YTHDC2: variants seen among roughly 807,000 people sequenced by gnomAD.
YTHDC2 encodes the protein YTH N6-methyladenosine RNA binding protein C2, also known as 3'-5' RNA helicase YTHDC2.
In YTHDC2, 45 loss-of-function variants were observed where a neutral mutation model predicts 174.9. The ratio of observed to expected loss-of-function variants is 0.26; its 90% CI spans 0.20 to 0.33. YTHDC2 has a LOEUF of 0.33. Among genes scored for constraint, YTHDC2 ranks in the 10% least tolerant of loss-of-function variants. The probability of loss-of-function intolerance (pLI) is 1.00; values close to 1 mark genes in which losing one functional copy is unlikely to be tolerated. For missense variants in YTHDC2, 1,650 were observed against 1,723.7 expected, an observed-to-expected ratio of 0.96 and a Z score of 0.76; for synonymous variants, 657 against 574.5, an observed-to-expected ratio of 1.14 and a Z score of -2.05.
intron 4 of YTHDC2, among the ~76,000 whole-genome samples, chr5:113,532,429 T>C (rs1774737159): frequency 6.6e-6 from 1 of 152,198 alleles, no homozygotes; most frequent in Non-Finnish European, 1.5e-5. Context: ...TCCTGGATTA[T>C]AGACTATTTT....
At chr5:113,534,575 A>AT (rs1255434396) in intron 6 of YTHDC2, among the ~76,000 whole-genome samples, 168 bp downstream of exon 6, 1 of 152,142 alleles carries the variant, frequency 6.6e-6, no homozygotes, top group African/African-American at 2.4e-5. Flanking sequence ...TGATCAATTT[A>AT]TTTTTTGTCT....
rs781198563 is a variant in YTHDC2, at chr5:113,553,847, G to A, written c.2045G>A (p.Arg682Gln). Reference sequence around the variant, plus strand: ...TTAAAAAACCCACCTGCAGGTGTTCGAAAAATAGTAAGCTTCATAAAATCT... The same window carrying A: ...TTAAAAAACCCACCTGCAGGTGTTCAAAAAATAGTAAGCTTCATAAAATCT... The part of the protein sequence containing the change: ...KVLKNPPAGV[R>Q]KIILSTNIAE... Residue 682 changes from arginine (R) to glutamine (Q), a missense_variant, in exon 15 of 30, where the codon CGA becomes CAA. Around this residue, in one of 5 missense-constraint regions of YTHDC2, gnomAD observed 913 missense variants for 940.4 expected, o/e 0.97. Transcript: ENST00000161863. The A allele has an allele frequency of 8.1e-6, 13 of 1,600,872 alleles. No individual in the cohort carries two copies. The highest frequency in any genetic ancestry group is 1.7e-5 in the Admixed American group (1 of 57,274).
At chr5:113,534,716 T>A (rs1438102653) in intron 6 of YTHDC2, among the ~76,000 whole-genome samples, 1 of 151,866 alleles carries the variant, frequency 6.6e-6, no homozygotes, top group Non-Finnish European at 1.5e-5. Context: ...CACTTAGAGT[T>A]CTCAAAAAAA....
At chr5:113,566,113 A>T in intron 21 of YTHDC2, 94 bp downstream of exon 21, 1 of 1,315,418 alleles carries the variant, frequency 7.6e-7, no homozygotes, top group Non-Finnish European at 1.0e-6. Context: ...GCCATCTATT[A>T]TTTTTATGAC....
intron 7 of YTHDC2, among the ~76,000 whole-genome samples, chr5:113,537,432 C>T (rs184455364): frequency 6.7e-6 from 1 of 149,988 alleles, no homozygotes; most frequent in East Asian, 1.9e-4. Flanking sequence ...CTTGCTAAAC[C>T]TCATTCTTCA....
chr5:113,587,395 A>G (rs1778733452), intron 26 of YTHDC2, among the ~76,000 whole-genome samples: 1 of 31,548 alleles, frequency 3.2e-5, no homozygotes, highest in East Asian at 8.3e-4. Flanking sequence ...ATGTATTCAT[A>G]TATAATATAT....
rs778904614 is a variant in YTHDC2 at position 113,524,989 on chromosome 5, C to G, written c.287C>G (p.Ala96Gly). Residue 96 changes from alanine (A) to glycine (G), a missense_variant, in exon 3 of 30, where the codon GCA (alanine) becomes GGA (glycine). This residue lies in a region of YTHDC2 where 304 missense variants were observed against 341.4 expected (regional missense o/e 0.89). Transcript: ENST00000161863. ...TTTTTATTAATATTCAGAAAGGGAG[C>G]AAATAGATACCTAACTGTGAAGAAG... is the stretch of plus-strand genomic sequence containing the variant. ...GLVSKSKGKGANRYLTVKKKD... is the reference protein window; with the variant it reads ...GLVSKSKGKGGNRYLTVKKKD... 7 of 1,595,120 alleles carry G rather than the reference C, an allele frequency of 4.4e-6. No individual in the cohort carries two copies. The highest frequency in any genetic ancestry group is 1.8e-5 in the Admixed American group (1 of 56,092).
chr5:113,583,783 C>T (rs1580646232), intron 25 of YTHDC2: 1 of 152,286 alleles, frequency 6.6e-6, no homozygotes, highest in Non-Finnish European at 1.5e-5. Flanking sequence ...CACCCGGACT[C>T]CATACCCTAT....
Position 113,524,904 on chromosome 5 carries a change from A to G in YTHDC2, c.279-77A>G, listed in dbSNP as rs1046750620. ...TTTTTCAGTGTTTTGCTTGAGACAT[A>G]TTTTCTAAGTGGGCATACATCATAT... On this transcript the variant is annotated intron_variant, in intron 2 of 29. Coordinates refer to ENST00000161863, the MANE Select transcript of YTHDC2 (RefSeq NM_022828.5). The G allele has an allele frequency of 2.8e-6, 3 of 1,090,486 alleles. No homozygotes were observed. The African/African-American group carries it at 5.1e-5, about 18-fold the overall frequency. 67.6% of individuals were successfully genotyped at this position (1,090,486 alleles called of 1,614,324 possible).
chr5:113,582,193 C>T (rs1392871864), intron 25 of YTHDC2: 1 of 152,280 alleles, frequency 6.6e-6, no homozygotes, highest in Non-Finnish European at 1.5e-5. Context: ...AATGCCAGTT[C>T]TTGGTGTGAG....
chr5:113,531,902 G>A (rs940849444), intron 4 of YTHDC2, among the ~76,000 whole-genome samples: 2 of 152,054 alleles, frequency 1.3e-5, no homozygotes, highest in East Asian at 3.8e-4. Context: ...GTTTTGGGGA[G>A]CAATTTGATA....
chr5:113,583,049 A>C (rs143364682), intron 25 of YTHDC2: 62 of 152,328 alleles, frequency 4.1e-4, no homozygotes, highest in African/African-American at 1.4e-3. Flanking sequence ...ATTCTGTGGT[A>C]GAGTTATTCC....
Position 113,525,013 on chromosome 5 carries a change from A to G in YTHDC2, c.311A>G (p.Lys104Arg). ...GCAAATAGATACCTAACTGTGAAGAAGAAAGATGGATCAGAAACAGCTCAT... is the reference window on the plus strand; with the variant it reads ...GCAAATAGATACCTAACTGTGAAGAGGAAAGATGGATCAGAAACAGCTCAT... ...KGANRYLTVK[K>R]KDGSETAHAM... Residue 104 changes from lysine to arginine, a missense_variant, in exon 3 of 30, where the codon AAG (lysine) becomes AGG (arginine). Coordinates refer to ENST00000161863, the MANE Select transcript of YTHDC2 (RefSeq NM_022828.5). The G allele has an allele frequency of 6.2e-7, 1 of 1,607,890 alleles. No homozygotes were observed. The highest frequency in any genetic ancestry group is 8.5e-7 in the Non-Finnish European group (1 of 1,178,012).
At chr5:113,537,611 G>T (rs560365377) in intron 7 of YTHDC2, among the ~76,000 whole-genome samples, 1 of 143,928 alleles carries the variant, frequency 6.9e-6, no homozygotes, top group Admixed American at 7.0e-5. Flanking sequence ...CTTGTTTCCT[G>T]CCCTATGCTA....
intron 21 of YTHDC2, among the ~76,000 whole-genome samples, chr5:113,566,866 A>G (rs886346633): frequency 2.0e-5 from 3 of 146,816 alleles, no homozygotes; most frequent in African/African-American, 7.6e-5. Context: ...CTTATACTTA[A>G]TCTAACCTGA....
At chr5:113,561,957 G>GGTGGGTGTGT (rs1347716150) in intron 18 of YTHDC2, among the ~76,000 whole-genome samples, 9 of 134,872 alleles carry the variant, frequency 6.7e-5, no homozygotes, top group African/African-American at 1.4e-4. Context: ...ATTAATTGTG[G>GGTGGGTGTGT]GTGTGTGTGT....
At chr5:113,514,232 C>T (rs764400121) in intron 1 of YTHDC2, 150 bp downstream of exon 1, 29 of 1,000,452 alleles carry the variant, frequency 2.9e-5, no homozygotes, top group Non-Finnish European at 3.8e-5. Context: ...AGCGGCGGCA[C>T]CCGGGTCTGG....
At chr5:113,557,680 G>C (rs1464707948) in intron 17 of YTHDC2, among the ~76,000 whole-genome samples, 1 of 152,182 alleles carries the variant, frequency 6.6e-6, no homozygotes, top group African/African-American at 2.4e-5. Flanking sequence ...TGTGGGCCTA[G>C]CTACTTGGGA....
At chr5:113,577,572 G>C (rs1366131224) in intron 23 of YTHDC2, among the ~76,000 whole-genome samples, 1 of 152,078 alleles carries the variant, frequency 6.6e-6, no homozygotes, top group Non-Finnish European at 1.5e-5. Flanking sequence ...GTTTTGCCAT[G>C]TTGCCCAGGC....
Sources: allele counts gnomAD v4.1 joint callset (sites outside exome capture counted in the v4.1 genomes callset), GRCh38; gene constraint gnomAD v4.1.1; regional missense constraint gnomAD v4.1.1; transcripts MANE v1.5; gene names NCBI Gene and HGNC (gene_info 2026-07-23, HGNC 2026-07-21).